Variants in ANKRD44 observed in about 807,000 individuals in gnomAD.
ANKRD44 encodes serine/threonine-protein phosphatase 6 regulatory ankyrin repeat subunit B.
A neutral mutation model predicts 116.0 loss-of-function variants in ANKRD44; 35 were observed. The observed-to-expected ratio is 0.30, with a 90% confidence interval of 0.23 to 0.40. The LOEUF is 0.40. ANKRD44 is among the 10% of genes least tolerant of loss of function. ANKRD44 has a pLI of 1.00. For synonymous variants in ANKRD44, 435 were observed against 461.8 expected (o/e 0.94, Z 0.74); for missense variants, 1,014 against 1,242.6 (o/e 0.82, Z 2.77).
At chr2:197,034,085 A>AGAGAGAGAGAGC (rs1437554509) in intron 16 of ANKRD44, among the ~76,000 whole-genome samples, 2 of 151,414 alleles carry the variant, frequency 1.3e-5, no homozygotes, top group Non-Finnish European at 2.9e-5. Context: ...AGAGAGAGAG[A>AGAGAGAGAGAGC]GCTCATACTA....
chr2:197,212,052 TCA>T lies in ANKRD44; in HGVS notation c.28-24948_28-24947del, dbSNP rs375445587. On this transcript the variant is annotated intron_variant, in intron 1 of 27. Transcript: ENST00000282272. The surrounding 1 kb of genome is among the most constrained non-coding windows in gnomAD (Gnocchi z 4.8). ...CTCTCTCTCTCAGTCTCTCTCTCTCTCACACACACACACACACACACACCCCA... is the reference window on the plus strand; with the variant it reads ...CTCTCTCTCTCAGTCTCTCTCTCTCTCACACACACACACACACACACCCCA... 6.8e-6 allele frequency among the ~76,000 whole-genome samples: 1 copy of T among 147,870 alleles called. No homozygotes were observed. Among genetic ancestry groups the T allele is most frequent in the East Asian group, 2.0e-4 (1 of 4,984 alleles).
intron 15 of ANKRD44, among the ~76,000 whole-genome samples, chr2:197,079,129 T>C (rs2077737706): frequency 6.6e-6 from 1 of 152,162 alleles, no homozygotes; most frequent in South Asian, 2.1e-4. Flanking sequence ...TTATCAAGAT[T>C]ACTGAATAGC....
chr2:197,236,300 T>C (rs72928729), intron 1 of ANKRD44, among the ~76,000 whole-genome samples: 8,183 of 152,068 alleles, frequency 0.054, 311 homozygotes, highest in Non-Finnish European at 0.079. Flanking sequence ...AGTTAGAAGA[T>C]AGGTAAAGAA....
At chr2:197,121,244 A>G in intron 8 of ANKRD44, 88 bp downstream of exon 8, 1 of 1,331,912 alleles carries the variant, frequency 7.5e-7, no homozygotes, top group Non-Finnish European at 1.1e-6. Flanking sequence ...CCAACTCACT[A>G]AAACATGGCA....
chr2:197,122,904 G>C, intron 6 of ANKRD44, 112 bp from the exon 7 acceptor site: 1 of 1,333,376 alleles, frequency 7.5e-7, no homozygotes, highest in Non-Finnish European at 1.0e-6. Flanking sequence ...ATTTTGCTGA[G>C]TTATTTGTAA....
chr2:197,119,208 T>C (rs548665291), intron 8 of ANKRD44, among the ~76,000 whole-genome samples: 38 of 151,354 alleles, frequency 2.5e-4, no homozygotes, highest in African/African-American at 9.0e-4. Flanking sequence ...ATTATTTTCC[T>C]TTTTTTTTCC....
At chr2:197,149,703 A>G (rs939923030) in intron 2 of ANKRD44, among the ~76,000 whole-genome samples, 4 of 152,212 alleles carry the variant, frequency 2.6e-5, no homozygotes, top group African/African-American at 4.8e-5. Context: ...TCCACTATTG[A>G]CCAAGGGTTG....
intron 21 of ANKRD44, among the ~76,000 whole-genome samples, chr2:196,974,065 A>C (rs1390005260): frequency 2.0e-5 from 3 of 152,104 alleles, no homozygotes; most frequent in Non-Finnish European, 4.4e-5. Flanking sequence ...ATATGTGGAA[A>C]TTAAACAACA....
chr2:197,268,569 T>C (rs971144840), intron 1 of ANKRD44, among the ~76,000 whole-genome samples: 1 of 152,220 alleles, frequency 6.6e-6, no homozygotes, highest in African/African-American at 2.4e-5. Flanking sequence ...AAAGGAATTG[T>C]AGTCACATGG....
intron 2 of ANKRD44, among the ~76,000 whole-genome samples, chr2:197,168,412 A>G (rs539279472): frequency 4.6e-5 from 7 of 152,288 alleles, no homozygotes; most frequent in African/African-American, 1.7e-4. Context: ...TTTATTTTCA[A>G]ACTCAGGGTA....
intron 8 of ANKRD44, among the ~76,000 whole-genome samples, chr2:197,118,661 A>AAGAAAGAAAG (rs1411818664): frequency 1.3e-5 from 2 of 151,546 alleles, no homozygotes; most frequent in African/African-American, 4.8e-5. Flanking sequence ...GAAAGAAAGA[A>AAGAAAGAAAG]AGAAAGAAAG....
At chr2:197,041,499 A>C (rs2076911131) in intron 16 of ANKRD44, among the ~76,000 whole-genome samples, 1 of 152,152 alleles carries the variant, frequency 6.6e-6, no homozygotes. Context: ...TATGGCCAGC[A>C]CTTGCTCATT....
At chr2:197,168,682 T>A (rs1559120250) in intron 2 of ANKRD44, among the ~76,000 whole-genome samples, 1 of 152,172 alleles carries the variant, frequency 6.6e-6, no homozygotes, top group Non-Finnish European at 1.5e-5. Context: ...CAGGACTCAT[T>A]TTTAGATGCT....
At chr2:197,126,773 T>C (rs1465259265) in intron 4 of ANKRD44, among the ~76,000 whole-genome samples, 1 of 151,374 alleles carries the variant, frequency 6.6e-6, no homozygotes, top group Non-Finnish European at 1.5e-5. Context: ...GACAAACATA[T>C]ATACAGGTGC....
intron 26 of ANKRD44, among the ~76,000 whole-genome samples, chr2:196,993,935 G>A (rs893093157): frequency 1.5e-4 from 23 of 152,154 alleles, no homozygotes; most frequent in African/African-American, 5.3e-4. Flanking sequence ...CAGTAAATAC[G>A]AAGACAGAGG....
chr2:197,065,612 G>A (rs1432387732), intron 16 of ANKRD44, among the ~76,000 whole-genome samples: 1 of 152,098 alleles, frequency 6.6e-6, no homozygotes, highest in Admixed American at 6.6e-5. Flanking sequence ...AAATGATAAA[G>A]GGGATATCAC....
chr2:197,085,617 T>C (rs1356498888), intron 13 of ANKRD44, among the ~76,000 whole-genome samples: 3 of 152,140 alleles, frequency 2.0e-5, no homozygotes, highest in Non-Finnish European at 2.9e-5. Flanking sequence ...ACCAGCCCCA[T>C]GACAGTTTAC....
intron 8 of ANKRD44, among the ~76,000 whole-genome samples, chr2:197,120,683 T>C (rs1419311552): frequency 1.1e-4 from 17 of 151,802 alleles, no homozygotes; most frequent in Admixed American, 8.5e-4. Flanking sequence ...AAAGAAGGTA[T>C]CTGAGAAGCT....
intron 1 of ANKRD44, among the ~76,000 whole-genome samples, chr2:197,255,128 T>C (rs889757843): frequency 1.3e-5 from 2 of 152,188 alleles, no homozygotes; most frequent in African/African-American, 2.4e-5. Context: ...AGCCATATGT[T>C]CCACAACTAT....
Sources: allele counts gnomAD v4.1 joint callset (sites outside exome capture counted in the v4.1 genomes callset), GRCh38; gene constraint gnomAD v4.1.1; non-coding constraint Gnocchi (gnomAD v3.1); transcripts MANE v1.5; gene names NCBI Gene and HGNC (gene_info 2026-07-23, HGNC 2026-07-21).